GSE1: variants seen among roughly 807,000 people sequenced by gnomAD.
GSE1 encodes genetic suppressor element 1.
In GSE1, 32 loss-of-function variants were observed where a neutral mutation model predicts 112.6. The observed-to-expected ratio is 0.28, with a 90% CI of 0.21 to 0.38. The LOEUF is 0.38. Among genes scored for constraint, GSE1 ranks in the 10% least tolerant of loss-of-function variants. GSE1 has a pLI of 1.00. For synonymous variants in GSE1, 1,115 were observed against 735.6 expected (o/e 1.52, Z -8.35); for missense variants, 2,348 against 1,699.2 (o/e 1.38, Z -6.71).
At chr16:85,466,323 TCCC>T (rs1394216171) in intron 2 of GSE1, among the ~76,000 whole-genome samples, 2 of 152,100 alleles carry the variant, frequency 1.3e-5, no homozygotes, top group African/African-American at 2.4e-5. Flanking sequence ...ATGTGATTAC[TCCC>T]CAAGGAGGAG....
chr16:85,644,506 G>C (rs919103813), intron 2 of GSE1, among the ~76,000 whole-genome samples: 5 of 152,190 alleles, frequency 3.3e-5, no homozygotes, highest in Admixed American at 1.3e-4. Flanking sequence ...GATTCTCTTA[G>C]GTGCTGCAAT....
At chr16:85,393,416 C>T (rs1400382231) in intron 2 of GSE1, among the ~76,000 whole-genome samples, 1 of 152,238 alleles carries the variant, frequency 6.6e-6, no homozygotes, top group East Asian at 1.9e-4. Context: ...TGCACCATCC[C>T]CTTGAATCCT....
intron 2 of GSE1, among the ~76,000 whole-genome samples, chr16:85,464,269 G>C (rs2050062106): frequency 1.3e-5 from 2 of 152,092 alleles, no homozygotes; most frequent in African/African-American, 4.8e-5. Flanking sequence ...CCAGTGGGTA[G>C]AAAGAGCTTA....
intron 2 of GSE1, among the ~76,000 whole-genome samples, chr16:85,470,216 C>A (rs1459367885): frequency 6.6e-6 from 1 of 152,252 alleles, no homozygotes; most frequent in Non-Finnish European, 1.5e-5. Context: ...CTTGCTGGAA[C>A]AAGGAGGTGC....
At chr16:85,590,510 TGA>T (rs974793099) in intron 1 of GSE1, among the ~76,000 whole-genome samples, 7 of 150,518 alleles carry the variant, frequency 4.7e-5, no homozygotes, top group Non-Finnish European at 1.0e-4. Context: ...TGTGTGTGAA[TGA>T]GTGTGTGTGT....
intron 2 of GSE1, among the ~76,000 whole-genome samples, chr16:85,635,605 G>C (rs568133394): frequency 6.6e-6 from 1 of 152,206 alleles, no homozygotes; most frequent in Admixed American, 6.5e-5. Flanking sequence ...GGAGAGAAGC[G>C]AGGTCAGAGC....
intron 1 of GSE1, among the ~76,000 whole-genome samples, chr16:85,272,181 C>T (rs368057384): frequency 6.6e-6 from 1 of 152,350 alleles, no homozygotes; most frequent in East Asian, 1.9e-4. Flanking sequence ...CTAACAGGCT[C>T]CGCTTTGGAT....
intron 10 of GSE1, 30 bp downstream of exon 10, chr16:85,663,123 T>C: frequency 1.4e-6 from 2 of 1,464,156 alleles, no homozygotes; most frequent in Non-Finnish European, 1.9e-6. Flanking sequence ...ACGGACATGC[T>C]CTGGGCTGGG....
intron 2 of GSE1, among the ~76,000 whole-genome samples, chr16:85,396,850 G>T (rs987215441): frequency 6.6e-6 from 1 of 152,192 alleles, no homozygotes; most frequent in Non-Finnish European, 1.5e-5. Flanking sequence ...GTGAGATGGG[G>T]GTGCCCTCTC....
At chr16:85,540,104 C>G (rs991525647) in intron 2 of GSE1, among the ~76,000 whole-genome samples, 1 of 152,152 alleles carries the variant, frequency 6.6e-6, no homozygotes, top group Non-Finnish European at 1.5e-5. Context: ...TGCTGATTCT[C>G]GACTGGGAAG....
At chr16:85,595,063 G>T (rs1324847223) in intron 1 of GSE1, 1 of 152,432 alleles carries the variant, frequency 6.6e-6, no homozygotes, top group Non-Finnish European at 1.5e-5. Context: ...GTTCGGACTG[G>T]CAGGTTCTCT....
intron 2 of GSE1, among the ~76,000 whole-genome samples, chr16:85,546,379 C>T (rs2044701956): frequency 6.6e-6 from 1 of 152,234 alleles, no homozygotes; most frequent in East Asian, 1.9e-4. Context: ...GCCACCCCGC[C>T]CGGCCTGTGT....
At chr16:85,585,596 C>T (rs953930707) in intron 1 of GSE1, among the ~76,000 whole-genome samples, 1 of 152,234 alleles carries the variant, frequency 6.6e-6, no homozygotes, top group African/African-American at 2.4e-5. Flanking sequence ...CTGCCCTGTC[C>T]CAGCCCCAGT....
chr16:85,410,263 GC>G (rs1330124026), intron 2 of GSE1, among the ~76,000 whole-genome samples: 1 of 45,906 alleles, frequency 2.2e-5, no homozygotes, highest in Admixed American at 3.0e-4. Context: ...TTACTCTCAG[GC>G]CCCCCGGATA....
chr16:85,647,642 G>A (rs184785189), intron 2 of GSE1, among the ~76,000 whole-genome samples: 146 of 152,164 alleles, frequency 9.6e-4, no homozygotes, highest in East Asian at 3.7e-3. Flanking sequence ...GCTGGAGTGC[G>A]GCAGCACGAT....
intron 2 of GSE1, among the ~76,000 whole-genome samples, chr16:85,547,407 G>A (rs34954498): frequency 0.044 from 6,669 of 152,240 alleles, 190 homozygotes; most frequent in South Asian, 0.075. Flanking sequence ...GACATCCCTC[G>A]GCTTGTGGCC....
At chr16:85,462,515 C>G (rs1395510888) in intron 2 of GSE1, among the ~76,000 whole-genome samples, 1 of 151,998 alleles carries the variant, frequency 6.6e-6, no homozygotes, top group East Asian at 1.9e-4. Flanking sequence ...AAAGCGGCCC[C>G]AATTAGAGGC....
At chr16:85,446,193 T>TC in intron 2 of GSE1, among the ~76,000 whole-genome samples, 1 of 152,240 alleles carries the variant, frequency 6.6e-6, no homozygotes, top group African/African-American at 2.4e-5. Context: ...CGGGGCCTGT[T>TC]CCCCGGAGGA....
Position 85,247,467 on chromosome 16 carries a change from C to T in GSE1, c.2283+75660C>T, listed in dbSNP as rs745891889. Among the ~76,000 whole-genome samples, 9 of 152,280 alleles carry T rather than the reference C, an allele frequency of 5.9e-5. No homozygotes were observed. In the East Asian group the frequency reaches 1.2e-3, roughly 20 times the overall value. On this transcript the variant is annotated intron_variant, in intron 1 of 2. Transcript: ENST00000637419. The stretch of plus-strand genomic sequence containing the variant: ...GCAGTGGCTGCATGCAGGGACCGGG[C>T]CTGAGCCAGAGAGGAGGACGGGATG...
Sources: gnomAD v4.1 joint callset for allele counts (sites outside exome capture counted in the v4.1 genomes callset) on GRCh38, gnomAD v4.1.1 for gene constraint, MANE v1.5 for transcripts, NCBI Gene and HGNC (gene_info 2026-07-23, HGNC 2026-07-21) for gene names.